Variants in DCAF6 observed in about 807,000 individuals in gnomAD.
DCAF6 encodes DDB1- and CUL4-associated factor 6.
A neutral mutation model predicts 125.1 loss-of-function variants in DCAF6; 54 were observed. The ratio of observed to expected loss-of-function variants is 0.43; its 90% CI spans 0.35 to 0.54. The LOEUF is 0.54. Among genes scored for constraint, DCAF6 ranks in the 20% least tolerant of loss-of-function variants. DCAF6 has a pLI of 0.01. For synonymous variants in DCAF6, 371 were observed against 390.4 expected (o/e 0.95, Z 0.58); for missense variants, 934 against 1,161.7 (o/e 0.80, Z 2.85).
At chr1:167,937,794 T>C (rs1388675621) in intron 1 of DCAF6, among the ~76,000 whole-genome samples, 1 of 152,214 alleles carries the variant, frequency 6.6e-6, no homozygotes, top group Non-Finnish European at 1.5e-5. Flanking sequence ...CTAAAAAGTT[T>C]GGTTTCTTAA....
chr1:168,012,872 A>ATCACTACAT (rs1684488701), intron 10 of DCAF6, among the ~76,000 whole-genome samples: 1 of 152,190 alleles, frequency 6.6e-6, no homozygotes, highest in Admixed American at 6.5e-5. Context: ...GTTTTAGAGC[A>ATCACTACAT]TCACTACATG....
At chr1:167,974,144 A>G (rs1323189082) in intron 3 of DCAF6, among the ~76,000 whole-genome samples, 2 of 151,902 alleles carry the variant, frequency 1.3e-5, no homozygotes, top group Non-Finnish European at 2.9e-5. Flanking sequence ...CAAGTTGAGT[A>G]TTTTTTACTA....
intron 1 of DCAF6, 127 bp from the exon 2 acceptor site, chr1:167,951,673 T>TAA: frequency 1.6e-6 from 1 of 635,810 alleles, no homozygotes; most frequent in Non-Finnish European, 2.8e-6. Context: ...ACTCAGTTTA[T>TAA]AAATGGTGGA....
the DCAF6 span, among the ~76,000 whole-genome samples, chr1:167,918,687 G>T: frequency 6.8e-6 from 1 of 147,260 alleles, no homozygotes; most frequent in Non-Finnish European, 1.5e-5. Flanking sequence ...TCTGCCTCCC[G>T]GGTTCACGCC....
chr1:167,944,335 AG>A (rs1311088819), intron 1 of DCAF6, among the ~76,000 whole-genome samples: 1 of 152,200 alleles, frequency 6.6e-6, no homozygotes, highest in African/African-American at 2.4e-5. Context: ...AAAATCTAGT[AG>A]TGGGATTGCT....
upstream of DCAF6, among the ~76,000 whole-genome samples, chr1:167,932,537 G>A (rs1048602501): frequency 1.3e-5 from 2 of 152,024 alleles, no homozygotes; most frequent in African/African-American, 4.8e-5. Flanking sequence ...GGCCGGGTGT[G>A]GTTGCTCACA....
chr1:167,924,392 C>A, the DCAF6 span: 1 of 911,256 alleles, frequency 1.1e-6, no homozygotes. Flanking sequence ...TAGAGGCATA[C>A]CAAGAATACT....
chr1:168,073,967 GAATAC>G (rs1018916528), intron 21 of DCAF6, among the ~76,000 whole-genome samples: 15 of 142,824 alleles, frequency 1.1e-4, no homozygotes, highest in Non-Finnish European at 2.1e-4. Flanking sequence ...AATATGTATT[GAATAC>G]ATATTTATAA....
Position 168,030,090 on chromosome 1 carries a change from C to G in DCAF6, c.1609+7043C>G, listed in dbSNP as rs969171305. Among the ~76,000 whole-genome samples the G allele has an allele frequency of 2.0e-5, 3 of 152,014 alleles. No homozygotes were observed. In the South Asian group the frequency reaches 6.2e-4, roughly 32 times the overall value. On this transcript the variant is annotated intron_variant, in intron 12 of 21. Coordinates refer to ENST00000367840, the MANE Select transcript of DCAF6 (RefSeq NM_001198956.2). The stretch of plus-strand genomic sequence containing the variant: ...GCTCTGGCATCCGTGATCATAACCA[C>G]TTGCTTTGCCTGATCTAACAGTAAA...
chr1:167,910,588 G>T, the DCAF6 span, among the ~76,000 whole-genome samples: 1 of 152,182 alleles, frequency 6.6e-6, no homozygotes, highest in African/African-American at 2.4e-5. Context: ...GGGTTAGCAA[G>T]ATTAAAGTTC....
At chr1:167,871,646 T>C in the DCAF6 span, among the ~76,000 whole-genome samples, 1 of 152,256 alleles carries the variant, frequency 6.6e-6, no homozygotes, top group South Asian at 2.1e-4. Flanking sequence ...CATTTTGTTA[T>C]TCACTGATAG....
chr1:167,989,956 T>C (rs1388450621), intron 5 of DCAF6, among the ~76,000 whole-genome samples: 1 of 152,102 alleles, frequency 6.6e-6, no homozygotes, highest in Non-Finnish European at 1.5e-5. Flanking sequence ...ATGTTTGGGG[T>C]ACTAGCTCTT....
At chr1:167,925,442 C>CATATATTT in the DCAF6 span, among the ~76,000 whole-genome samples, 1 of 82,478 alleles carries the variant, frequency 1.2e-5, no homozygotes, top group Non-Finnish European at 2.3e-5. Flanking sequence ...TACATATACA[C>CATATATTT]ATATATATAT....
At chr1:168,000,660 G>T (rs971805607) in intron 7 of DCAF6, among the ~76,000 whole-genome samples, 1 of 152,074 alleles carries the variant, frequency 6.6e-6, no homozygotes, top group African/African-American at 2.4e-5. Flanking sequence ...CTAAAATGGG[G>T]TATTATGAAA....
intron 17 of DCAF6, among the ~76,000 whole-genome samples, chr1:168,060,029 C>T (rs1220999245): frequency 1.3e-5 from 2 of 152,140 alleles, no homozygotes; most frequent in East Asian, 1.9e-4. Flanking sequence ...AACTTAAAGA[C>T]ACTTTTTGTT....
chr1:167,920,093 G>T, the DCAF6 span: 1 of 1,578,338 alleles, frequency 6.3e-7, no homozygotes, highest in Non-Finnish European at 8.7e-7. Flanking sequence ...AATAAACCCT[G>T]TTGAAACAAA....
chr1:167,932,785 G>C (rs985503505), upstream of DCAF6, among the ~76,000 whole-genome samples: 1 of 147,460 alleles, frequency 6.8e-6, no homozygotes, highest in African/African-American at 2.5e-5. Context: ...CTCCAACCTA[G>C]GGAACAGAGC....
rs751734893 is a variant in DCAF6, at chr1:167,975,037, A to G, written c.438+22A>G. ...TGAGGTATGGTATTATTATGATTATATGATATATATGTAAGTATGTATATT... is the reference window on the plus strand; with the variant it reads ...TGAGGTATGGTATTATTATGATTATGTGATATATATGTAAGTATGTATATT... On this transcript the variant is annotated intron_variant, in intron 4 of 21. Transcript: ENST00000367840. 1.5e-5 allele frequency: 22 copies of G among 1,461,984 alleles called. No individual in the cohort carries two copies. In the African/African-American group the frequency reaches 2.6e-4, roughly 17 times the overall value. 90.6% of individuals were successfully genotyped at this position (1,461,984 alleles called of 1,614,324 possible).
chr1:168,075,793 A>G lies in DCAF6; in HGVS notation c.*358A>G, dbSNP rs1293153569. On this transcript the variant is annotated 3_prime_UTR_variant, in exon 22 of 22. Coordinates refer to ENST00000367840, the MANE Select transcript of DCAF6 (RefSeq NM_001198956.2). ...ATAAATTTCTACACTTGCCATTTGC[A>G]TGTTTGTTGCTTTCTAATTAAAGAA... The G allele has an allele frequency of 5.6e-6, 1 of 179,772 alleles. No homozygotes were observed. Among genetic ancestry groups the G allele is most frequent in the African/African-American group, 2.4e-5 (1 of 42,364 alleles). The allele number at this position is 179,772 out of a possible 1,614,324, so 11.1% of individuals were successfully genotyped here. A position where few individuals can be genotyped will look rare whatever the true frequency, so the allele number is the denominator to read the frequency against.
Sources: gnomAD v4.1 joint callset for allele counts (sites outside exome capture counted in the v4.1 genomes callset) on GRCh38, gnomAD v4.1.1 for gene constraint, MANE v1.5 for transcripts, NCBI Gene and HGNC (gene_info 2026-07-23, HGNC 2026-07-21) for gene names.